CNNM2: variants seen among roughly 807,000 people sequenced by gnomAD.
CNNM2 encodes the protein metal transporter CNNM2.
CNNM2 carries 12 observed loss-of-function variants against 66.9 expected under a neutral mutation model. The observed-to-expected ratio is 0.18, with a 90% CI of 0.11 to 0.29. The LOEUF is 0.29. Ranked by LOEUF, CNNM2 falls within the 10% of genes least tolerant of loss-of-function variation. The pLI is 1.00. For synonymous variants in CNNM2, 557 were observed against 501.8 expected, an observed-to-expected ratio of 1.11 and a Z score of -1.47; for missense variants, 705 against 1,167.7, an observed-to-expected ratio of 0.60 and a Z score of 5.77.
chr10:103,036,572 G>A (rs368321928), intron 1 of CNNM2, among the ~76,000 whole-genome samples: 4 of 152,274 alleles, frequency 2.6e-5, no homozygotes, highest in South Asian at 2.1e-4. Flanking sequence ...CTCTGCAGAC[G>A]TTTATCAAAT....
intron 4 of CNNM2, among the ~76,000 whole-genome samples, chr10:103,065,438 G>T (rs1473165051): frequency 6.6e-6 from 1 of 152,168 alleles, no homozygotes; most frequent in Non-Finnish European, 1.5e-5. Flanking sequence ...ACCACCGCAC[G>T]CTTCCAAGAG....
At chr10:103,026,043 T>G (rs1006887286) in intron 1 of CNNM2, among the ~76,000 whole-genome samples, 7 of 152,322 alleles carry the variant, frequency 4.6e-5, no homozygotes, top group East Asian at 3.9e-4. Context: ...TAGGAGCAAG[T>G]TCAGTCCCCT....
intron 4 of CNNM2, among the ~76,000 whole-genome samples, chr10:103,064,831 G>T (rs764749225): frequency 5.3e-5 from 8 of 152,164 alleles, no homozygotes; most frequent in Non-Finnish European, 1.2e-4. Flanking sequence ...CTGCACTCCA[G>T]CCTGGGTGAC....
chr10:103,054,606 GT>G lies in CNNM2; in HGVS notation c.1903+147del. ...GCCACTTTTGTGTTTTGTTTTTTTT[GT>G]TTTTTTGTTTTGTTTTGTTTTTTTC... On this transcript the variant is annotated intron_variant, in intron 3 of 7. Transcript: ENST00000369878. This position sits in a 1 kb window ranked among gnomAD's most constrained non-coding sequence, Gnocchi z 5.2. 6 of 723,770 alleles carry G rather than the reference GT, an allele frequency of 8.3e-6. No homozygotes were observed. The Admixed American group carries it at 1.2e-4, about 15-fold the overall frequency. 44.8% of individuals were successfully genotyped at this position (723,770 alleles called of 1,614,324 possible).
chr10:103,025,040 T>C (rs1197614670), intron 1 of CNNM2, among the ~76,000 whole-genome samples: 2 of 152,218 alleles, frequency 1.3e-5, no homozygotes, highest in African/African-American at 4.8e-5. Context: ...ATTTTAAATT[T>C]GATCACTTGA....
At chr10:102,939,425 T>C (rs1163368549) in intron 1 of CNNM2, among the ~76,000 whole-genome samples, 1 of 152,226 alleles carries the variant, frequency 6.6e-6, no homozygotes, top group Non-Finnish European at 1.5e-5. Flanking sequence ...TTGCCACATC[T>C]ACATCTTGGT....
intron 1 of CNNM2, among the ~76,000 whole-genome samples, chr10:103,003,985 A>ATTTTTTTTTT (rs869152743): frequency 2.4e-5 from 2 of 83,968 alleles, no homozygotes; most frequent in Non-Finnish European, 4.5e-5. Flanking sequence ...CATTGCATGA[A>ATTTTTTTTTT]TTTTTTTTTT....
Position 103,000,254 on chromosome 10 carries a change from T to C in CNNM2, c.1622-49453T>C, listed in dbSNP as rs749104701. Among the ~76,000 whole-genome samples, 4,273 of 115,436 alleles carry C rather than the reference T, an allele frequency of 0.037. 185 individuals are homozygous for C. The highest frequency in any genetic ancestry group is 0.11 in the African/African-American group (3,724 of 35,122). 75.7% of individuals were successfully genotyped at this position (115,436 alleles called of 152,430 possible). A position where few individuals can be genotyped will look rare whatever the true frequency, so the allele number is the denominator to read the frequency against. ...TCCGTCTCAAAAACAAATAAATAAA[T>C]AAATAAATAAATAAATAAATAAATA... On this transcript the variant is annotated intron_variant, in intron 1 of 7. Coordinates refer to ENST00000369878, the MANE Select transcript of CNNM2 (RefSeq NM_017649.5).
At chr10:102,995,201 T>C (rs1413353971) in intron 1 of CNNM2, among the ~76,000 whole-genome samples, 91 of 538 alleles carry the variant, frequency 0.17, 4 homozygotes, top group East Asian at 0.25. Flanking sequence ...CTCTTCCTCC[T>C]CCTTCCTCTT....
intron 1 of CNNM2, among the ~76,000 whole-genome samples, chr10:103,046,552 T>G (rs1388717876): frequency 6.6e-6 from 1 of 152,226 alleles, no homozygotes; most frequent in African/African-American, 2.4e-5. Flanking sequence ...CTTTTGATAT[T>G]TACTGTATTT....
chr10:103,015,940 C>T (rs2064438436), intron 1 of CNNM2, among the ~76,000 whole-genome samples: 1 of 152,114 alleles, frequency 6.6e-6, no homozygotes, highest in African/African-American at 2.4e-5. Context: ...TTAAGCTCAC[C>T]CCAGGCCTGG....
chr10:103,028,814 C>CTTTTTTTTTTTTCTTTTTTTTTTTTTTTT (rs2064759605), intron 1 of CNNM2, among the ~76,000 whole-genome samples: 2 of 126,182 alleles, frequency 1.6e-5, no homozygotes, highest in Non-Finnish European at 3.2e-5. Flanking sequence ...TTTTCTTTTT[C>CTTTTTTTTTTTTCTTTTTTTTTTTTTTTT]TTTTTTTTTT....
chr10:102,921,597 CT>C (rs1199562283), intron 1 of CNNM2, among the ~76,000 whole-genome samples: 3 of 152,160 alleles, frequency 2.0e-5, no homozygotes, highest in Non-Finnish European at 2.9e-5. Flanking sequence ...GGTGACATAG[CT>C]TCTTTTGGGG....
Position 103,003,985 on chromosome 10 carries a change from A to ATTTTTTTT in CNNM2, c.1622-45703_1622-45696dup, listed in dbSNP as rs869152743. On this transcript the variant is annotated intron_variant, in intron 1 of 7. Transcript: ENST00000369878. ...TGCTGAGTAGTACTCCATTGCATGA[A>ATTTTTTTT]TTTTTTTTTTTTTTTTTTTTTTTTT... Among the ~76,000 whole-genome samples the ATTTTTTTT allele has an allele frequency of 2.4e-5, 2 of 83,968 alleles. 1 individual carries two copies. The highest frequency in any genetic ancestry group is 9.6e-5 in the African/African-American group (2 of 20,828). 55.1% of individuals were successfully genotyped at this position (83,968 alleles called of 152,430 possible).
At position 103,054,144 on chromosome 10, in the gene CNNM2, G is replaced by A. The variant is rs558909203; in HGVS notation, c.1766-185G>A. Among the ~76,000 whole-genome samples the A allele has an allele frequency of 3.3e-5, 5 of 152,290 alleles. No individual in the cohort carries two copies. The South Asian group carries it at 8.3e-4, about 25-fold the overall frequency. Reference sequence around the variant, plus strand: ...CTGCGGACTGCGTGGTGCCCAGGCCGCCGTGCTGATTTGATGAGGATCTGG... The same window carrying A: ...CTGCGGACTGCGTGGTGCCCAGGCCACCGTGCTGATTTGATGAGGATCTGG... On this transcript the variant is annotated intron_variant, in intron 2 of 7. Coordinates refer to ENST00000369878, the MANE Select transcript of CNNM2 (RefSeq NM_017649.5). The surrounding 1 kb of genome is among the most constrained non-coding windows in gnomAD (Gnocchi z 5.2).
At position 102,993,014 on chromosome 10, in the gene CNNM2, A is replaced by G. The variant is rs909473308; in HGVS notation, c.1622-56693A>G. On this transcript the variant is annotated intron_variant, in intron 1 of 7. Coordinates refer to ENST00000369878, the MANE Select transcript of CNNM2 (RefSeq NM_017649.5). ...TTTTCAAAAAAGGTCTTTTCAACCA[A>G]GAATATGTCATACATATCTGTATTT... 7.9e-5 allele frequency among the ~76,000 whole-genome samples: 12 copies of G among 152,206 alleles called. No individual in the cohort carries two copies. Among genetic ancestry groups the G allele is most frequent in the African/African-American group, 2.9e-4 (12 of 41,454 alleles).
Position 103,089,897 on chromosome 10 carries a change from T to C in CNNM2, c.*12717T>C. ...CTACGTGTGTGTGCTCCACCGTTGA[T>C]TCATGAGGCATCTAGACAGAAAAAA... is the stretch of plus-strand genomic sequence containing the variant. On this transcript the variant is annotated 3_prime_UTR_variant, in exon 8 of 8. Transcript: ENST00000369878. 4 of 1,602,130 alleles carry C rather than the reference T, an allele frequency of 2.5e-6. No homozygotes were observed. Among genetic ancestry groups the C allele is most frequent in the Non-Finnish European group, 3.4e-6 (4 of 1,173,466 alleles).
At chr10:102,949,556 G>C (rs945706779) in intron 1 of CNNM2, among the ~76,000 whole-genome samples, 1 of 151,888 alleles carries the variant, frequency 6.6e-6, no homozygotes, top group Non-Finnish European at 1.5e-5. Context: ...GGCCGAGACA[G>C]GCAGATCACT....
At chr10:102,939,553 A>C (rs1004849183) in intron 1 of CNNM2, among the ~76,000 whole-genome samples, 6 of 151,612 alleles carry the variant, frequency 4.0e-5, no homozygotes, top group Non-Finnish European at 7.4e-5. Flanking sequence ...TAGGTTCTTG[A>C]TTTTCCCTTC....
Sources: allele counts gnomAD v4.1 joint callset (sites outside exome capture counted in the v4.1 genomes callset), GRCh38; gene constraint gnomAD v4.1.1; non-coding constraint Gnocchi (gnomAD v3.1); transcripts MANE v1.5; gene names NCBI Gene and HGNC (gene_info 2026-07-23, HGNC 2026-07-21).